The following CRPPA variants were observed in gnomAD, a reference collection of about 807,000 sequenced individuals.
The protein encoded by CRPPA is D-ribitol-5-phosphate cytidylyltransferase.
In CRPPA, 43 loss-of-function variants were observed where a neutral mutation model predicts 52.0. The ratio of observed to expected loss-of-function variants is 0.83; its 90% CI spans 0.65 to 1.07. CRPPA has a LOEUF of 1.07. Among genes scored for constraint, CRPPA ranks in the 50% least tolerant of loss-of-function variants. The pLI is 0.00. For synonymous variants in CRPPA, 250 were observed against 203.5 expected, an observed-to-expected ratio of 1.23 and a Z score of -1.94; for missense variants, 629 against 551.7, an observed-to-expected ratio of 1.14 and a Z score of -1.40.
At chr7:16,101,175 G>T (rs1450884955) in intron 9 of CRPPA, among the ~76,000 whole-genome samples, 1 of 152,162 alleles carries the variant, frequency 6.6e-6, no homozygotes, top group Non-Finnish European at 1.5e-5. Flanking sequence ...CATAAAATCA[G>T]TTAGGGAGGA....
intron 9 of CRPPA, among the ~76,000 whole-genome samples, chr7:16,187,744 G>C (rs1781534773): frequency 6.6e-6 from 1 of 152,168 alleles, no homozygotes; most frequent in African/African-American, 2.4e-5. Context: ...TATGGGATTG[G>C]TAAGAATTAA....
At chr7:16,160,630 T>C (rs150020428) in intron 9 of CRPPA, among the ~76,000 whole-genome samples, 18 of 152,320 alleles carry the variant, frequency 1.2e-4, no homozygotes, top group Non-Finnish European at 2.4e-4. Context: ...TTGCTTAGGA[T>C]TTTCTTGGCT....
At chr7:16,399,371 A>G (rs114676524) in intron 2 of CRPPA, among the ~76,000 whole-genome samples, 1,726 of 152,066 alleles carry the variant, frequency 0.011, 38 homozygotes, top group African/African-American at 0.04. Context: ...GACGTGACAC[A>G]TTTGTGACAC....
intron 9 of CRPPA, among the ~76,000 whole-genome samples, chr7:16,131,856 G>A (rs1452587863): frequency 6.6e-6 from 1 of 152,190 alleles, no homozygotes; most frequent in Non-Finnish European, 1.5e-5. Context: ...GCAGGTGTGA[G>A]TGAGCCACTG....
chr7:16,380,689 C>T (rs1047345122), intron 2 of CRPPA, among the ~76,000 whole-genome samples: 11 of 152,196 alleles, frequency 7.2e-5, no homozygotes, highest in South Asian at 2.1e-4. Context: ...GTCTACTCAG[C>T]GATTCAACTT....
At chr7:16,177,519 G>A (rs1255637064) in intron 9 of CRPPA, among the ~76,000 whole-genome samples, 1 of 152,036 alleles carries the variant, frequency 6.6e-6, no homozygotes, top group Admixed American at 6.6e-5. Flanking sequence ...TGTAGATGAA[G>A]AGAATAAATG....
chr7:16,376,467 A>G (rs1033309267), intron 2 of CRPPA, among the ~76,000 whole-genome samples: 11 of 152,178 alleles, frequency 7.2e-5, no homozygotes, highest in African/African-American at 2.2e-4. Flanking sequence ...TTCCTTCATT[A>G]TAAGTTCAAA....
intron 9 of CRPPA, among the ~76,000 whole-genome samples, chr7:16,151,654 A>G (rs1783077893): frequency 6.6e-6 from 1 of 152,088 alleles, no homozygotes; most frequent in Admixed American, 6.6e-5. Flanking sequence ...TATTTCTTCC[A>G]TACGCTTTCT....
chr7:16,321,652 T>C (rs1785267649), intron 3 of CRPPA, among the ~76,000 whole-genome samples: 1 of 152,108 alleles, frequency 6.6e-6, no homozygotes, highest in Admixed American at 6.6e-5. Flanking sequence ...GGTGACATCA[T>C]TACTCAAGTT....
intron 9 of CRPPA, among the ~76,000 whole-genome samples, chr7:16,179,858 A>G (rs1464708412): frequency 1.3e-5 from 2 of 152,230 alleles, no homozygotes; most frequent in East Asian, 1.9e-4. Context: ...ATGTTCATTT[A>G]TGTCAGCAGA....
At chr7:16,254,847 G>GAAAGAAAGAAAGAA (rs1562588903) in intron 8 of CRPPA, among the ~76,000 whole-genome samples, 34 of 131,910 alleles carry the variant, frequency 2.6e-4, no homozygotes, top group African/African-American at 9.7e-4. Context: ...GAAAGAAAGA[G>GAAAGAAAGAAAGAA]AAAGAAGAAA....
chr7:16,337,414 A>G (rs1339748504), intron 3 of CRPPA, among the ~76,000 whole-genome samples: 1 of 152,144 alleles, frequency 6.6e-6, no homozygotes, highest in South Asian at 2.1e-4. Context: ...CCTTAAGACT[A>G]ATGAAAATGG....
chr7:16,289,205 A>C (rs1784510036), intron 5 of CRPPA, among the ~76,000 whole-genome samples: 1 of 152,180 alleles, frequency 6.6e-6, no homozygotes, highest in Non-Finnish European at 1.5e-5. Context: ...AGATTGAATC[A>C]GTAATAAAAA....
intron 1 of CRPPA, among the ~76,000 whole-genome samples, chr7:16,407,758 G>A (rs1787988884): frequency 6.6e-6 from 1 of 152,132 alleles, no homozygotes; most frequent in South Asian, 2.1e-4. Flanking sequence ...CTTTATAGGT[G>A]ATACTGCCTT....
intron 9 of CRPPA, among the ~76,000 whole-genome samples, chr7:16,186,921 G>A (rs1781515905): frequency 6.6e-6 from 1 of 152,124 alleles, no homozygotes; most frequent in Admixed American, 6.6e-5. Flanking sequence ...AAAGTTTGCT[G>A]AAAGAATCAG....
intron 8 of CRPPA, among the ~76,000 whole-genome samples, chr7:16,228,702 A>G (rs1034944152): frequency 6.6e-6 from 1 of 151,968 alleles, no homozygotes; most frequent in African/African-American, 2.4e-5. Flanking sequence ...CACTTGTTTC[A>G]TAGCCTAACA....
chr7:16,336,152 C>G (rs978112897), intron 3 of CRPPA, among the ~76,000 whole-genome samples: 1 of 152,086 alleles, frequency 6.6e-6, no homozygotes, highest in African/African-American at 2.4e-5. Context: ...GAATTAATAA[C>G]AAAAACCATG....
At chr7:16,346,155 C>T (rs551102202) in intron 3 of CRPPA, among the ~76,000 whole-genome samples, 1 of 152,212 alleles carries the variant, frequency 6.6e-6, no homozygotes, top group African/African-American at 2.4e-5. Flanking sequence ...TGCCAGGTGC[C>T]ATTGCTCAGC....
chr7:16,141,027 G>A (rs1353912813), intron 9 of CRPPA, among the ~76,000 whole-genome samples: 2 of 152,110 alleles, frequency 1.3e-5, no homozygotes, highest in African/African-American at 4.8e-5. Flanking sequence ...TTCCCCACTT[G>A]TCTAAGATCT....
Sources: gnomAD v4.1 joint callset for allele counts (sites outside exome capture counted in the v4.1 genomes callset) on GRCh38, gnomAD v4.1.1 for gene constraint, MANE v1.5 for transcripts, NCBI Gene and HGNC (gene_info 2026-07-23, HGNC 2026-07-21) for gene names.